APELA: variants seen among roughly 807,000 people sequenced by gnomAD.
APELA encodes apelin receptor early endogenous ligand.
At chr4:164,883,931 A>G (rs80218287) in intron 2 of APELA, among the ~76,000 whole-genome samples, 2,679 of 145,692 alleles carry the variant, frequency 0.018, 77 homozygotes, top group African/African-American at 0.064. Flanking sequence ...AAAAAAAAAA[A>G]GACAGAAAGA....
chr4:164,898,242 C>A (rs563177277), downstream of APELA, among the ~76,000 whole-genome samples: 1 of 151,438 alleles, frequency 6.6e-6, no homozygotes, highest in African/African-American at 2.4e-5. Flanking sequence ...TGGCTCACAC[C>A]TGTAATCCCA....
At chr4:164,898,110 C>T (rs535378519), downstream of APELA, among the ~76,000 whole-genome samples, 11 of 152,084 alleles carry the variant, frequency 7.2e-5, no homozygotes, top group East Asian at 3.9e-4. Context: ...AGGCCGGTCC[C>T]GAACTCCTGA....
intron 2 of APELA, among the ~76,000 whole-genome samples, chr4:164,886,270 A>G (rs1286663528): frequency 1.3e-5 from 2 of 152,222 alleles, no homozygotes; most frequent in African/African-American, 4.8e-5. Flanking sequence ...TCTTTTCTAA[A>G]TTAATCACAG....
rs144761958 is a variant in APELA at position 164,886,960 on chromosome 4, G to A, written c.*1+7951G>A. On this transcript the variant is annotated intron_variant, in intron 2 of 2. Coordinates refer to ENST00000507152, the MANE Select transcript of APELA (RefSeq NM_001297550.2). ...CCTGGCTCAGCCTCCCAAGTAGCTG[G>A]GATTACAGGCACCTGCCACCAGGCC... 6.0e-3 allele frequency among the ~76,000 whole-genome samples: 915 copies of A among 151,978 alleles called. 6 individuals carry two copies. Among genetic ancestry groups the A allele is most frequent in the Non-Finnish European group, 1.0e-2 (678 of 67,960 alleles).
chr4:164,892,570 A>C (rs1409620025), intron 2 of APELA, among the ~76,000 whole-genome samples: 3 of 152,172 alleles, frequency 2.0e-5, no homozygotes, highest in Non-Finnish European at 2.9e-5. Flanking sequence ...TTCATAAGAA[A>C]TATTGGTCTG....
intron 2 of APELA, among the ~76,000 whole-genome samples, chr4:164,884,063 A>C (rs898821708): frequency 6.6e-6 from 1 of 150,996 alleles, no homozygotes; most frequent in Non-Finnish European, 1.5e-5. Context: ...GAAACAGGGA[A>C]AGAAGGAGAG....
chr4:164,881,973 G>A (rs1579107158), intron 2 of APELA, among the ~76,000 whole-genome samples: 1 of 152,010 alleles, frequency 6.6e-6, no homozygotes, highest in South Asian at 2.1e-4. Flanking sequence ...GAGCCCAGGA[G>A]TTTGAGGCTG....
At position 164,896,484 on chromosome 4, in the gene APELA, A is replaced by T. The variant is rs547441865; in HGVS notation, c.*1070A>T. 2 of 152,182 alleles carry T rather than the reference A, an allele frequency of 1.3e-5. No individual in the cohort carries two copies. Among genetic ancestry groups the T allele is most frequent in the South Asian group, 4.1e-4 (2 of 4,822 alleles). 9.4% of individuals were successfully genotyped at this position (152,182 alleles called of 1,614,324 possible). A position where few individuals can be genotyped will look rare whatever the true frequency, so the allele number is the denominator to read the frequency against. ...CATCTAAAATACAGTTATGCCAATG[A>T]AGTCCCACTCAGGGTGATATCTGTA... On this transcript the variant is annotated 3_prime_UTR_variant, in exon 3 of 3. Coordinates refer to ENST00000507152, the MANE Select transcript of APELA (RefSeq NM_001297550.2).
chr4:164,878,663 C>T (rs1162446831), intron 1 of APELA, among the ~76,000 whole-genome samples: 1 of 152,118 alleles, frequency 6.6e-6, no homozygotes, highest in African/African-American at 2.4e-5. Flanking sequence ...GAGGATATTA[C>T]TATTAAGATG....
rs145240251 is a variant in APELA, at chr4:164,896,065, T to C, written c.*651T>C. 27 of 152,364 alleles carry C rather than the reference T, an allele frequency of 1.8e-4. No homozygotes were observed. The highest frequency in any genetic ancestry group is 6.0e-4 in the African/African-American group (25 of 41,586). 9.4% of individuals were successfully genotyped at this position (152,364 alleles called of 1,614,324 possible). ...GAAAGAAAACATGAAATCCTAATTG[T>C]AGTTCATTTTATGTTCAAATGAAAC... On this transcript the variant is annotated 3_prime_UTR_variant, in exon 3 of 3. Transcript: ENST00000507152.
chr4:164,878,418 G>T (rs536561554), intron 1 of APELA, among the ~76,000 whole-genome samples: 2 of 152,146 alleles, frequency 1.3e-5, no homozygotes, highest in East Asian at 1.9e-4. Flanking sequence ...AGTTTATTTC[G>T]AATGATGTCC....
At chr4:164,886,623 G>A (rs1354425157) in intron 2 of APELA, among the ~76,000 whole-genome samples, 3 of 152,042 alleles carry the variant, frequency 2.0e-5, no homozygotes, top group Admixed American at 2.0e-4. Context: ...TCCAGCCTGA[G>A]AGACAGAGTG....
At chr4:164,878,187 G>GA (rs1560855968) in intron 1 of APELA, among the ~76,000 whole-genome samples, 134 of 92,490 alleles carry the variant, frequency 1.4e-3, no homozygotes, top group Middle Eastern at 5.0e-3. Flanking sequence ...AAGAAAGAAA[G>GA]AAACAGAAAA....
chr4:164,892,083 G>T (rs1730893334), intron 2 of APELA, among the ~76,000 whole-genome samples: 1 of 152,052 alleles, frequency 6.6e-6, no homozygotes, highest in Admixed American at 6.6e-5. Flanking sequence ...GGCTGAGGGG[G>T]GCAGATTGCT....
At chr4:164,882,353 CT>C (rs1272280116) in intron 2 of APELA, among the ~76,000 whole-genome samples, 1 of 152,028 alleles carries the variant, frequency 6.6e-6, no homozygotes, top group African/African-American at 2.4e-5. Flanking sequence ...TCTGCCCCCC[CT>C]CAGACTCCCA....
chr4:164,886,903 G>T (rs1276466776), intron 2 of APELA, among the ~76,000 whole-genome samples: 2 of 151,568 alleles, frequency 1.3e-5, no homozygotes, highest in African/African-American at 4.9e-5. Context: ...TCGGCTCACT[G>T]CACCCTCCAC....
intron 2 of APELA, among the ~76,000 whole-genome samples, chr4:164,890,547 C>T (rs1730860245): frequency 1.3e-5 from 2 of 152,214 alleles, no homozygotes; most frequent in Middle Eastern, 3.4e-3. Flanking sequence ...TTTCAGGGCC[C>T]ATCCCTGTAG....
intron 1 of APELA, among the ~76,000 whole-genome samples, chr4:164,878,169 GAGAAAGAA>G (rs1175515915): frequency 2.4e-5 from 2 of 83,528 alleles, no homozygotes; most frequent in African/African-American, 5.1e-5. Context: ...GAAAAGAAGA[GAGAAAGAA>G]AGAAAGAAAG....
intron 2 of APELA, among the ~76,000 whole-genome samples, chr4:164,889,090 G>A (rs1026315559): frequency 2.6e-5 from 4 of 151,478 alleles, no homozygotes; most frequent in African/African-American, 7.3e-5. Context: ...TGCTAGATCC[G>A]CCTCCCGGGT....
Sources: allele counts gnomAD v4.1 joint callset (sites outside exome capture counted in the v4.1 genomes callset), GRCh38; gene constraint gnomAD v4.1.1; transcripts MANE v1.5; gene names NCBI Gene and HGNC (gene_info 2026-07-23, HGNC 2026-07-21).